The following KCNMB2 variants were observed in gnomAD, a reference collection of about 807,000 sequenced individuals.
The protein encoded by KCNMB2 is potassium calcium-activated channel subfamily M regulatory beta subunit 2.
In KCNMB2, 9 loss-of-function variants were observed where a neutral mutation model predicts 24.5. That is an observed-to-expected ratio of 0.37 (90% CI 0.22 to 0.64). KCNMB2 has a LOEUF of 0.64. Ranked by LOEUF, KCNMB2 falls within the 30% of genes least tolerant of loss-of-function variation. The pLI is 0.63. For missense variants in KCNMB2, 226 were observed against 284.3 expected (o/e 0.79, Z 1.47); for synonymous variants, 109 against 104.4 (o/e 1.04, Z -0.27).
At chr3:178,722,662 A>T (rs1722846174) in intron 1 of KCNMB2, among the ~76,000 whole-genome samples, 1 of 152,188 alleles carries the variant, frequency 6.6e-6, no homozygotes, top group Non-Finnish European at 1.5e-5. Context: ...GGGGACCAAG[A>T]TGGGCAGATG....
chr3:178,619,302 C>T (rs1170620421), intron 1 of KCNMB2, among the ~76,000 whole-genome samples: 7 of 152,110 alleles, frequency 4.6e-5, no homozygotes, highest in Non-Finnish European at 1.0e-4. Flanking sequence ...TCAGAAGTCA[C>T]ATGGAAATTG....
chr3:178,798,711 C>A (rs1259909339), intron 1 of KCNMB2, among the ~76,000 whole-genome samples: 3 of 151,864 alleles, frequency 2.0e-5, no homozygotes, highest in Admixed American at 2.0e-4. Context: ...ACTACACACA[C>A]CAGGGCCTGT....
chr3:178,703,666 A>C (rs1261883383), intron 1 of KCNMB2, among the ~76,000 whole-genome samples: 5 of 152,216 alleles, frequency 3.3e-5, no homozygotes, highest in African/African-American at 1.2e-4. Context: ...ATATAGCATA[A>C]ATGAGTCATA....
intron 1 of KCNMB2, among the ~76,000 whole-genome samples, chr3:178,672,074 C>T (rs567448663): frequency 6.6e-6 from 1 of 152,254 alleles, no homozygotes; most frequent in East Asian, 1.9e-4. Flanking sequence ...TCCTAACACC[C>T]TTTTTCTCTG....
At chr3:178,757,435 C>A in intron 1 of KCNMB2, among the ~76,000 whole-genome samples, 3 of 37,642 alleles carry the variant, frequency 8.0e-5, no homozygotes, top group East Asian at 5.9e-4. Context: ...TATATATATC[C>A]AAGAGGATAT....
At chr3:178,805,495 T>C (rs1267279539) in intron 1 of KCNMB2, among the ~76,000 whole-genome samples, 4 of 152,242 alleles carry the variant, frequency 2.6e-5, no homozygotes, top group Non-Finnish European at 5.9e-5. Context: ...TATGAGTGCA[T>C]GCTCTGATCC....
At chr3:178,805,238 C>G (rs1348051183) in intron 1 of KCNMB2, among the ~76,000 whole-genome samples, 1 of 152,134 alleles carries the variant, frequency 6.6e-6, no homozygotes, top group African/African-American at 2.4e-5. Context: ...TGATGCTGAC[C>G]CAAGGGTTAT....
chr3:178,682,077 G>A (rs1310161355), intron 1 of KCNMB2, among the ~76,000 whole-genome samples: 1 of 152,064 alleles, frequency 6.6e-6, no homozygotes, highest in Non-Finnish European at 1.5e-5. Flanking sequence ...CATCCCCATA[G>A]GTAAGTCCCC....
At chr3:178,670,120 C>A (rs1720851048) in intron 1 of KCNMB2, among the ~76,000 whole-genome samples, 1 of 152,156 alleles carries the variant, frequency 6.6e-6, no homozygotes, top group Non-Finnish European at 1.5e-5. Context: ...ACTTATTGAG[C>A]CAGAAGCATC....
chr3:178,572,938 G>A (rs577538057), intron 1 of KCNMB2, among the ~76,000 whole-genome samples: 4 of 152,084 alleles, frequency 2.6e-5, no homozygotes, highest in South Asian at 2.1e-4. Context: ...ATTTATTTAC[G>A]AATTCATACA....
intron 1 of KCNMB2, among the ~76,000 whole-genome samples, chr3:178,713,412 T>C (rs771338723): frequency 6.6e-6 from 1 of 152,170 alleles, no homozygotes; most frequent in Non-Finnish European, 1.5e-5. Context: ...AGAAAAATAA[T>C]GTTGTAGCTG....
At chr3:178,749,013 T>C (rs1033868902) in intron 1 of KCNMB2, 1 of 152,194 alleles carries the variant, frequency 6.6e-6, no homozygotes, top group African/African-American at 2.4e-5. Context: ...GGAACTTTAT[T>C]AATGACTTTC....
intron 2 of KCNMB2, among the ~76,000 whole-genome samples, chr3:178,809,182 C>T (rs1011214410): frequency 6.6e-6 from 1 of 152,182 alleles, no homozygotes; most frequent in African/African-American, 2.4e-5. Flanking sequence ...TTTGGTCCTG[C>T]AACTTTCATG....
intron 1 of KCNMB2, among the ~76,000 whole-genome samples, chr3:178,595,059 C>CAAAAAAAAAAAAA (rs57471892): frequency 1.6e-4 from 20 of 123,726 alleles, no homozygotes; most frequent in Non-Finnish European, 2.4e-4. Context: ...ACAGTATTTG[C>CAAAAAAAAAAAAA]AAAAAAAAAA....
At chr3:178,597,002 A>T (rs1008560286) in intron 1 of KCNMB2, among the ~76,000 whole-genome samples, 8 of 152,110 alleles carry the variant, frequency 5.3e-5, no homozygotes, top group African/African-American at 1.9e-4. Flanking sequence ...TGGAGTTTCC[A>T]TCCTGAGGTT....
At chr3:178,548,238 T>C (rs1046789705) in intron 1 of KCNMB2, among the ~76,000 whole-genome samples, 4 of 152,234 alleles carry the variant, frequency 2.6e-5, no homozygotes, top group Non-Finnish European at 5.9e-5. Flanking sequence ...AGAATCTTTT[T>C]GGGTAAGGCC....
chr3:178,781,652 A>T (rs559873119), intron 1 of KCNMB2, among the ~76,000 whole-genome samples: 5 of 151,546 alleles, frequency 3.3e-5, no homozygotes, highest in Non-Finnish European at 7.4e-5. Flanking sequence ...TAGTAAGCAA[A>T]GGTTTGGTGA....
chr3:178,546,808 G>A (rs1477778), intron 1 of KCNMB2, among the ~76,000 whole-genome samples: 1 of 152,110 alleles, frequency 6.6e-6, no homozygotes, highest in Non-Finnish European at 1.5e-5. Context: ...ACTTTCCAAA[G>A]GTATCTATGA....
intron 1 of KCNMB2, among the ~76,000 whole-genome samples, chr3:178,666,057 A>G (rs186899551): frequency 1.3e-5 from 2 of 152,258 alleles, no homozygotes; most frequent in African/African-American, 2.4e-5. Flanking sequence ...TGTCTATTCA[A>G]TGTAGATGTG....
Sources: allele counts gnomAD v4.1 joint callset (sites outside exome capture counted in the v4.1 genomes callset), GRCh38; gene constraint gnomAD v4.1.1; transcripts MANE v1.5; gene names NCBI Gene and HGNC (gene_info 2026-07-23, HGNC 2026-07-21).